TRHDE: variants seen among roughly 807,000 people sequenced by gnomAD.
TRHDE encodes thyrotropin-releasing hormone-degrading ectoenzyme.
Under a neutral mutation model 125.7 loss-of-function variants are expected in TRHDE, and 72 were observed. That is an observed-to-expected ratio of 0.57 (90% CI 0.47 to 0.70). The LOEUF is 0.70. TRHDE is among the 30% of genes least tolerant of loss of function. TRHDE has a pLI of 0.00. For missense variants in TRHDE, 1,110 were observed against 1,327.1 expected, an observed-to-expected ratio of 0.84 and a Z score of 2.54; for synonymous variants, 509 against 509.1, an observed-to-expected ratio of 1.00 and a Z score of 0.00.
At chr12:72,280,914 AC>A (rs1264670949) in intron 1 of TRHDE, among the ~76,000 whole-genome samples, 2 of 152,224 alleles carry the variant, frequency 1.3e-5, no homozygotes, top group African/African-American at 2.4e-5. Flanking sequence ...CAATAAAAAA[AC>A]GTGAATCTCA....
In TRHDE at chr12:72,669,099, C is replaced by T. The variant is rs1237130889; in HGVS notation, c.*5904C>T. ...GTTTTAAGTTATAACAGGTAATTAA[C>T]AGATATTTCGGCCAACGAGACACAC... On this transcript the variant is annotated 3_prime_UTR_variant, in exon 19 of 19. Coordinates refer to ENST00000261180, the MANE Select transcript of TRHDE (RefSeq NM_013381.3). The T allele has an allele frequency of 6.6e-6, 1 of 151,414 alleles. No homozygotes were observed. The highest frequency in any genetic ancestry group is 1.5e-5 in the Non-Finnish European group (1 of 67,774). The allele number at this position is 151,414 out of a possible 1,614,324, so 9.4% of individuals were successfully genotyped here. A position where few individuals can be genotyped will look rare whatever the true frequency, so the allele number is the denominator to read the frequency against.
At chr12:72,597,699 ATG>A (rs1187381736) in intron 12 of TRHDE, among the ~76,000 whole-genome samples, 1 of 66,232 alleles carries the variant, frequency 1.5e-5, no homozygotes, top group African/African-American at 1.5e-4. Context: ...AGGTATATAT[ATG>A]TGTGTGTGTA....
At chr12:72,653,935 T>C (rs1304614759) in intron 17 of TRHDE, among the ~76,000 whole-genome samples, 2 of 152,170 alleles carry the variant, frequency 1.3e-5, no homozygotes, top group Non-Finnish European at 2.9e-5. Context: ...GTTGCCCTGG[T>C]ATAATCAGTT....
chr12:72,646,753 A>G (rs1874297190), intron 15 of TRHDE, among the ~76,000 whole-genome samples: 1 of 152,114 alleles, frequency 6.6e-6, no homozygotes, highest in South Asian at 2.1e-4. Flanking sequence ...GCACTATATT[A>G]TAATAAAAGT....
At chr12:72,219,964 CA>C (rs1300652583) in intron 2 of TRHDE, among the ~76,000 whole-genome samples, 1 of 152,128 alleles carries the variant, frequency 6.6e-6, no homozygotes, top group Non-Finnish European at 1.5e-5. Flanking sequence ...AATAACTAAC[CA>C]AGCCTGGAAT....
At chr12:72,468,797 C>T (rs1876506032) in intron 3 of TRHDE, among the ~76,000 whole-genome samples, 1 of 152,188 alleles carries the variant, frequency 6.6e-6, no homozygotes, top group Admixed American at 6.5e-5. Context: ...GCCCAGCAGG[C>T]CTGTTGCTTC....
chr12:72,379,359 TG>T (rs1872042345), intron 3 of TRHDE, among the ~76,000 whole-genome samples: 1 of 152,248 alleles, frequency 6.6e-6, no homozygotes, highest in African/African-American at 2.4e-5. Context: ...ATCAATGTTT[TG>T]TTTTGTTCTG....
intron 2 of TRHDE, chr12:72,162,938 G>A (rs935380573): frequency 6.7e-6 from 1 of 149,702 alleles, no homozygotes; most frequent in African/African-American, 2.5e-5. Flanking sequence ...GTTTGTGAAC[G>A]AAAAGAAAGT....
Position 72,360,781 on chromosome 12 carries a change from G to T in TRHDE, c.1189-17214G>T, listed in dbSNP as rs78730593. 6.9e-3 allele frequency among the ~76,000 whole-genome samples: 1,051 copies of T among 151,792 alleles called. 10 individuals carry two copies. The highest frequency in any genetic ancestry group is 0.024 in the African/African-American group (978 of 41,454). On this transcript the variant is annotated intron_variant, in intron 2 of 18. Transcript: ENST00000261180. The stretch of plus-strand genomic sequence containing the variant: ...TTCTAGAGCAGGAGGGATGGGAATC[G>T]GATGAAGGGAGTGTTTTGCAGTTAT...
chr12:72,432,504 T>C (rs761920045), intron 3 of TRHDE, among the ~76,000 whole-genome samples: 2 of 152,134 alleles, frequency 1.3e-5, no homozygotes, highest in Non-Finnish European at 2.9e-5. Context: ...GCCTCAGGGT[T>C]ATAGGACAGC....
intron 2 of TRHDE, among the ~76,000 whole-genome samples, chr12:72,346,117 T>G (rs1240705930): frequency 3.0e-5 from 4 of 131,492 alleles, no homozygotes; most frequent in Non-Finnish European, 7.2e-5. Flanking sequence ...TGGATACCTC[T>G]GGAAGATTCT....
chr12:72,499,549 G>A lies in TRHDE; in HGVS notation c.1636G>A (p.Gly546Ser). 1.2e-6 allele frequency: 2 copies of A among 1,613,850 alleles called. No individual in the cohort carries two copies. The highest frequency in any genetic ancestry group is 1.7e-6 in the Non-Finnish European group (2 of 1,179,888). Residue 546 changes from glycine to serine, a missense_variant, in exon 6 of 19, where the codon GGT (glycine) becomes AGT (serine). Gly to Ser is a moderately conservative substitution (Grantham distance 56, BLOSUM62 0). Coordinates refer to ENST00000261180, the MANE Select transcript of TRHDE (RefSeq NM_013381.3). ...DVLHEVMLLD[G>S]LASSHPVSQE... ...TCTGCATGAAGTGATGCTGCTGGAC[G>A]GTTTGGCCAGTTCCCATCCAGTATC...
intron 2 of TRHDE, among the ~76,000 whole-genome samples, chr12:72,146,436 A>G (rs966632146): frequency 2.0e-5 from 3 of 152,238 alleles, no homozygotes; most frequent in Non-Finnish European, 4.4e-5. Context: ...TTTTCAAGGC[A>G]TAACAAAATA....
At chr12:72,148,934 A>G (rs1486611984) in intron 2 of TRHDE, among the ~76,000 whole-genome samples, 2 of 152,186 alleles carry the variant, frequency 1.3e-5, no homozygotes, top group African/African-American at 2.4e-5. Flanking sequence ...ACAGCTCCAT[A>G]TAGGACAGTG....
chr12:72,408,137 C>T lies in TRHDE; in HGVS notation c.1315+30016C>T, dbSNP rs1007218344. On this transcript the variant is annotated intron_variant, in intron 3 of 18. Transcript: ENST00000261180. ...AGAAAAAACTTGCTTTTATAAGAAA[C>T]CTACTTGCATGATACTAGAGTAACC... Among the ~76,000 whole-genome samples the T allele has an allele frequency of 9.9e-5, 15 of 152,136 alleles. 1 individual carries two copies. The highest frequency in any genetic ancestry group is 1.9e-4 in the East Asian group (1 of 5,196).
At chr12:72,455,531 A>T (rs1875801382) in intron 3 of TRHDE, among the ~76,000 whole-genome samples, 3 of 152,046 alleles carry the variant, frequency 2.0e-5, no homozygotes, top group Admixed American at 1.3e-4. Context: ...CATTATATTT[A>T]TTTTTAATTG....
At chr12:72,386,183 C>CAT (rs1308751229) in intron 3 of TRHDE, among the ~76,000 whole-genome samples, 2 of 152,156 alleles carry the variant, frequency 1.3e-5, no homozygotes, top group South Asian at 2.1e-4. Context: ...TACTCCTAAG[C>CAT]ATATATTCAC....
At chr12:72,640,713 A>C (rs1874021684) in intron 15 of TRHDE, among the ~76,000 whole-genome samples, 3 of 152,330 alleles carry the variant, frequency 2.0e-5, no homozygotes, top group Middle Eastern at 3.4e-3. Flanking sequence ...GGAGCTGTAG[A>C]CCGGAGCTGT....
chr12:72,363,970 A>G lies in TRHDE; in HGVS notation c.1189-14025A>G, dbSNP rs963373721. Among the ~76,000 whole-genome samples the G allele has an allele frequency of 3.3e-5, 5 of 152,016 alleles. No homozygotes were observed. In the East Asian group the frequency reaches 9.7e-4, roughly 29 times the overall value. ...ACAAAAATCACAAGCATTGTTATAC[A>G]CCAATAACAGACAAACAGAGAGCCA... On this transcript the variant is annotated intron_variant, in intron 2 of 18. Transcript: ENST00000261180.
Sources: gnomAD v4.1 joint callset for allele counts (sites outside exome capture counted in the v4.1 genomes callset) on GRCh38, gnomAD v4.1.1 for gene constraint, MANE v1.5 for transcripts, NCBI Gene and HGNC (gene_info 2026-07-23, HGNC 2026-07-21) for gene names.